TRIM54: variants seen among roughly 807,000 people sequenced by gnomAD.
TRIM54 encodes tripartite motif-containing protein 54.
In TRIM54, 40 loss-of-function variants were observed where a neutral mutation model predicts 42.0. The ratio of observed to expected loss-of-function variants is 0.95; its 90% CI spans 0.74 to 1.24. The LOEUF (loss-of-function observed/expected upper bound fraction) is 1.24. Among genes scored for constraint, TRIM54 ranks in the 50% most tolerant of loss-of-function variants. The pLI, the probability that TRIM54 is intolerant of heterozygous loss-of-function variation, is 0.00. For synonymous variants in TRIM54, 199 were observed against 194.9 expected (o/e 1.02, Z -0.17); for missense variants, 485 against 480.3 (o/e 1.01, Z -0.09).
In TRIM54 at chr2:27,299,290, TGAA is replaced by T. The variant is rs1678957553; in HGVS notation, c.393_395del (p.Glu132del). 6.2e-7 allele frequency: 1 copy of T among 1,614,000 alleles called. No individual in the cohort carries two copies. The highest frequency in any genetic ancestry group is 1.3e-5 in the African/African-American group (1 of 74,908). On this transcript the variant is annotated inframe_deletion, in exon 3 of 9. Transcript: ENST00000380075. The stretch of plus-strand genomic sequence containing the variant: ...AGCAGCACCTCATGTGCGAGGAGCA[TGAA>T]GAAGAGAAGATCAATATTTACTGCC...
rs200357562 is a variant in TRIM54 at position 27,306,112 on chromosome 2, C to T, written c.866+10C>T. On this transcript the variant is annotated intron_variant, in intron 6 of 8. Transcript: ENST00000380075. This position sits in a 1 kb window ranked among gnomAD's most constrained non-coding sequence, Gnocchi z 6.1. Reference sequence around the variant, plus strand: ...AGGAGCTGATCAATAAGTGAGTAGGCATAGCGGGAAGGGAAAGGAGGGGGC... The same window carrying T: ...AGGAGCTGATCAATAAGTGAGTAGGTATAGCGGGAAGGGAAAGGAGGGGGC... The T allele has an allele frequency of 6.2e-4, 1,008 of 1,613,962 alleles. 1 individual carries two copies. The highest frequency in any genetic ancestry group is 8.0e-4 in the Non-Finnish European group (940 of 1,179,990).
At chr2:27,284,395 T>G (rs1678499753) in intron 1 of TRIM54, among the ~76,000 whole-genome samples, 1 of 152,210 alleles carries the variant, frequency 6.6e-6, no homozygotes, top group Non-Finnish European at 1.5e-5. Flanking sequence ...ACCTTGTGTG[T>G]CTGCTCTGTG....
intron 1 of TRIM54, among the ~76,000 whole-genome samples, chr2:27,283,768 A>ACGCGCGCGCG (rs1678459402): frequency 1.1e-5 from 1 of 93,924 alleles, no homozygotes; most frequent in African/African-American, 5.9e-5. Context: ...GCAAAGGCAC[A>ACGCGCGCGCG]CACACACACA....
At chr2:27,282,927 G>T in intron 1 of TRIM54, 28 bp downstream of exon 1, 6 of 1,592,792 alleles carry the variant, frequency 3.8e-6, no homozygotes, top group Non-Finnish European at 5.1e-6. Context: ...GGCAGGGCCA[G>T]GTAAAGCAAT....
chr2:27,299,598 T>G, intron 3 of TRIM54, 182 bp downstream of exon 3: 1 of 1,332,862 alleles, frequency 7.5e-7, no homozygotes. Context: ...GCAGCCTTGA[T>G]CTCCCGAGCT....
chr2:27,294,936 A>G (rs1296168220), intron 1 of TRIM54, among the ~76,000 whole-genome samples: 4 of 150,666 alleles, frequency 2.7e-5, no homozygotes, highest in African/African-American at 9.7e-5. Context: ...CAGGGTTGAT[A>G]TGAGGATTAA....
chr2:27,304,855 G>A, intron 3 of TRIM54, 104 bp from the exon 4 acceptor site: 6 of 854,502 alleles, frequency 7.0e-6, no homozygotes, highest in Non-Finnish European at 1.1e-5. Flanking sequence ...CTTATGGGGG[G>A]TGAGGTGGAA....
At chr2:27,295,571 G>T (rs1202381053) in intron 1 of TRIM54, among the ~76,000 whole-genome samples, 1 of 152,190 alleles carries the variant, frequency 6.6e-6, no homozygotes, top group East Asian at 1.9e-4. Context: ...CTCCCAAAGT[G>T]CTGGGATTAC....
intron 1 of TRIM54, among the ~76,000 whole-genome samples, chr2:27,295,647 T>A (rs1678848430): frequency 6.6e-6 from 1 of 152,136 alleles, no homozygotes; most frequent in South Asian, 2.1e-4. Flanking sequence ...TATCCCTGCC[T>A]TTGTGGCTCA....
chr2:27,299,475 G>T, intron 3 of TRIM54, 59 bp downstream of exon 3: 2 of 1,587,752 alleles, frequency 1.3e-6, no homozygotes, highest in Non-Finnish European at 1.7e-6. Context: ...CAGGGTCTCA[G>T]TGTCAGCCTC....
chr2:27,304,956 CAG>C lies in TRIM54; in HGVS notation c.514_515del. The C allele has an allele frequency of 6.2e-7, 1 of 1,613,688 alleles. No individual in the cohort carries two copies. The highest frequency in any genetic ancestry group is 8.5e-7 in the Non-Finnish European group (1 of 1,179,744). ...TCTGAGTGCTGACCTGTGTGTGTAT[CAG>C]AGTGAGCTCAGCGATGGCATCGCGA... On this transcript the variant is annotated splice_acceptor_variant, in intron 3 of 8. Transcript: ENST00000380075. LOFTEE classifies it high-confidence loss of function.
chr2:27,306,889 C>G lies in TRIM54; in HGVS notation c.*4C>G. On this transcript the variant is annotated splice_region_variant and 3_prime_UTR_variant, in exon 9 of 9. Coordinates refer to ENST00000380075, the MANE Select transcript of TRIM54 (RefSeq NM_187841.3). The surrounding 1 kb of genome is among the most constrained non-coding windows in gnomAD (Gnocchi z 6.1). ...CGAGCCTTCTTTCCCGGGCACAGGC[C>G]TGCGCCGACCCGACCCTGCTCGAGA... is the stretch of plus-strand genomic sequence containing the variant. 1 of 385,036 alleles carries G rather than the reference C, an allele frequency of 2.6e-6. No homozygotes were observed. The highest frequency in any genetic ancestry group is 4.7e-6 in the Non-Finnish European group (1 of 211,264). 23.9% of individuals were successfully genotyped at this position (385,036 alleles called of 1,614,324 possible).
At chr2:27,284,612 C>T (rs1292589103) in intron 1 of TRIM54, among the ~76,000 whole-genome samples, 2 of 152,130 alleles carry the variant, frequency 1.3e-5, no homozygotes, top group Non-Finnish European at 2.9e-5. Flanking sequence ...AGAGGCAATG[C>T]TTTGCCCACC....
chr2:27,302,344 G>C (rs534054993), intron 3 of TRIM54, among the ~76,000 whole-genome samples: 1 of 151,988 alleles, frequency 6.6e-6, no homozygotes, highest in Non-Finnish European at 1.5e-5. Flanking sequence ...CCAGCTACTC[G>C]GGAGGCTGAG....
intron 1 of TRIM54, among the ~76,000 whole-genome samples, chr2:27,295,366 G>C (rs1678836822): frequency 1.3e-5 from 2 of 152,122 alleles, no homozygotes; most frequent in South Asian, 4.1e-4. Context: ...GAGTGCAATG[G>C]TATGATCTTG....
Position 27,306,163 on chromosome 2 carries a change from G to T in TRIM54, c.867-50G>T, listed in dbSNP as rs1369155128. 1.2e-6 allele frequency: 2 copies of T among 1,613,880 alleles called. No homozygotes were observed. The highest frequency in any genetic ancestry group is 2.7e-5 in the African/African-American group (2 of 74,934). ...TGCACTGCTCCACTGGCTGGGGTGGGGCTTGAGAGTGCTGGGGCATTGCCA... is the reference window on the plus strand; with the variant it reads ...TGCACTGCTCCACTGGCTGGGGTGGTGCTTGAGAGTGCTGGGGCATTGCCA... On this transcript the variant is annotated intron_variant, in intron 6 of 8. Coordinates refer to ENST00000380075, the MANE Select transcript of TRIM54 (RefSeq NM_187841.3). This position sits in a 1 kb window ranked among gnomAD's most constrained non-coding sequence, Gnocchi z 6.1.
intron 1 of TRIM54, 128 bp downstream of exon 1, chr2:27,283,027 G>T (rs1180993079): frequency 9.2e-7 from 1 of 1,088,486 alleles, no homozygotes; most frequent in Non-Finnish European, 1.3e-6. Context: ...GGCTGTTGTG[G>T]CTGGAGAGCA....
At chr2:27,295,181 T>G (rs1678832195) in intron 1 of TRIM54, among the ~76,000 whole-genome samples, 1 of 151,470 alleles carries the variant, frequency 6.6e-6, no homozygotes, top group South Asian at 2.1e-4. Flanking sequence ...AGGGTTTGAG[T>G]GATTCTTGTG....
At position 27,307,122 on chromosome 2, in the gene TRIM54, A is replaced by G; in HGVS notation, c.*237A>G. 4.0e-6 allele frequency: 1 copy of G among 250,756 alleles called. No individual in the cohort carries two copies. The highest frequency in any genetic ancestry group is 1.2e-4 in the East Asian group (1 of 8,426). The allele number at this position is 250,756 out of a possible 1,614,324, so 15.5% of individuals were successfully genotyped here. On this transcript the variant is annotated 3_prime_UTR_variant, in exon 9 of 9. Transcript: ENST00000380075. This position sits in a 1 kb window ranked among gnomAD's most constrained non-coding sequence, Gnocchi z 6.9. The stretch of plus-strand genomic sequence containing the variant: ...GAGACCGTCTGGGGGGCGGAAGCCA[A>G]ATGAACCCCTATTGGGCACCTCTGT...
Sources: allele counts gnomAD v4.1 joint callset (sites outside exome capture counted in the v4.1 genomes callset), GRCh38; gene constraint gnomAD v4.1.1; non-coding constraint Gnocchi (gnomAD v3.1); transcripts MANE v1.5; gene names NCBI Gene and HGNC (gene_info 2026-07-23, HGNC 2026-07-21).